GLCCI1: variants seen among roughly 807,000 people sequenced by gnomAD.
GLCCI1 encodes the protein glucocorticoid induced 1, also known as glucocorticoid-induced transcript 1 protein.
Under a neutral mutation model 52.2 loss-of-function variants are expected in GLCCI1, and 24 were observed. That is an observed-to-expected ratio of 0.46 (90% CI 0.33 to 0.65). GLCCI1 has a LOEUF of 0.65. GLCCI1 is among the 30% of genes least tolerant of loss of function. GLCCI1 has a pLI of 0.02. For missense variants in GLCCI1, 704 were observed against 701.5 expected (o/e 1.00, Z -0.04); for synonymous variants, 310 against 276.5 (o/e 1.12, Z -1.20).
intron 2 of GLCCI1, among the ~76,000 whole-genome samples, chr7:8,008,134 A>G (rs1213334648): frequency 6.6e-6 from 1 of 151,988 alleles, no homozygotes; most frequent in Admixed American, 6.6e-5. Context: ...TATACCATAT[A>G]TTTTACTGTA....
At chr7:8,024,309 C>T (rs1159839244) in intron 3 of GLCCI1, among the ~76,000 whole-genome samples, 6 of 152,188 alleles carry the variant, frequency 3.9e-5, no homozygotes, top group Non-Finnish European at 1.5e-5. Context: ...CTACTCAGCT[C>T]CTTCTGCCTA....
chr7:8,022,639 G>T (rs1781519833), intron 3 of GLCCI1, 70 bp downstream of exon 3: 1 of 859,964 alleles, frequency 1.2e-6, no homozygotes, highest in Non-Finnish European at 1.7e-6. Flanking sequence ...TTTCCTGAAT[G>T]TAATGACACT....
intron 3 of GLCCI1, among the ~76,000 whole-genome samples, chr7:8,052,588 G>A (rs1325173365): frequency 6.6e-6 from 1 of 152,194 alleles, no homozygotes; most frequent in African/African-American, 2.4e-5. Flanking sequence ...TGGTCTTTCT[G>A]TAGCAAATAT....
chr7:8,072,404 C>CTTCCTTCATTAAGGATATAT, intron 6 of GLCCI1, among the ~76,000 whole-genome samples: 1 of 152,132 alleles, frequency 6.6e-6, no homozygotes, highest in Non-Finnish European at 1.5e-5. Context: ...TGTGGACCCC[C>CTTCCTTCATTAAGGATATAT]TTCCTTCATT....
chr7:8,047,613 A>G (rs534328836), intron 3 of GLCCI1, among the ~76,000 whole-genome samples: 1 of 152,348 alleles, frequency 6.6e-6, no homozygotes, highest in East Asian at 1.9e-4. Flanking sequence ...CAAATGAGTA[A>G]GATTGTATGC....
intron 3 of GLCCI1, among the ~76,000 whole-genome samples, chr7:8,023,710 T>G (rs1200260899): frequency 6.8e-6 from 1 of 147,390 alleles, no homozygotes; most frequent in East Asian, 2.1e-4. Context: ...GCGATTCTCC[T>G]GCCTCAGCCA....
intron 5 of GLCCI1, among the ~76,000 whole-genome samples, chr7:8,061,266 ATT>A (rs1231219844): frequency 6.6e-6 from 1 of 151,486 alleles, no homozygotes; most frequent in African/African-American, 2.4e-5. Context: ...CACCCGGCTA[ATT>A]TTTTTGTATT....
At chr7:8,021,962 ATG>A (rs1269963366) in intron 2 of GLCCI1, among the ~76,000 whole-genome samples, 2 of 152,076 alleles carry the variant, frequency 1.3e-5, no homozygotes, top group African/African-American at 4.8e-5. Flanking sequence ...TAATAACTTT[ATG>A]TGTTTTATAT....
At chr7:8,017,707 T>C (rs1781407271) in intron 2 of GLCCI1, among the ~76,000 whole-genome samples, 1 of 152,182 alleles carries the variant, frequency 6.6e-6, no homozygotes, top group Non-Finnish European at 1.5e-5. Context: ...ACCTTCCGAC[T>C]TTACATAAAA....
In GLCCI1 at chr7:8,051,565, T is replaced by C. The variant is rs1440150769; in HGVS notation, c.697-3868T>C. ...TAAGCACTTCCCCCAGAAAATCTTA[T>C]GTGGTGAAGGCTACTATGTTAAAAT... is the stretch of plus-strand genomic sequence containing the variant. On this transcript the variant is annotated intron_variant, in intron 3 of 7. Transcript: ENST00000223145. Among the ~76,000 whole-genome samples the C allele has an allele frequency of 2.6e-5, 4 of 152,192 alleles. No homozygotes were observed. In the South Asian group the frequency reaches 6.2e-4, roughly 24 times the overall value.
At chr7:8,008,415 A>G (rs184134385) in intron 2 of GLCCI1, among the ~76,000 whole-genome samples, 442 of 151,626 alleles carry the variant, frequency 2.9e-3, no homozygotes, top group African/African-American at 9.9e-3. Flanking sequence ...CCTCCCAAGT[A>G]GCTGGGAATT....
intron 3 of GLCCI1, among the ~76,000 whole-genome samples, chr7:8,042,096 T>C (rs1172599361): frequency 2.0e-5 from 3 of 152,198 alleles, no homozygotes; most frequent in Non-Finnish European, 4.4e-5. Flanking sequence ...AAGATTCTTT[T>C]CAAAATATTA....
intron 3 of GLCCI1, 124 bp downstream of exon 3, chr7:8,022,693 C>T (rs181025141): frequency 4.9e-6 from 2 of 409,064 alleles, no homozygotes; most frequent in East Asian, 8.6e-5. Flanking sequence ...AAGGTTAGGA[C>T]AAATTCTAGG....
chr7:7,971,929 T>G (rs1181942776), intron 1 of GLCCI1, among the ~76,000 whole-genome samples: 1 of 152,220 alleles, frequency 6.6e-6, no homozygotes, highest in Non-Finnish European at 1.5e-5. Flanking sequence ...CAGGTGGTTT[T>G]GTCAGTTTCT....
rs748770607 is a variant in GLCCI1, at chr7:8,070,898, G to A, written c.967-23G>A. 3.8e-6 allele frequency: 6 copies of A among 1,599,886 alleles called. No individual in the cohort carries two copies. The East Asian group carries it at 1.3e-4, about 36-fold the overall frequency. On this transcript the variant is annotated intron_variant, in intron 5 of 7. Coordinates refer to ENST00000223145, the MANE Select transcript of GLCCI1 (RefSeq NM_138426.4). ...TGAATATATGCACCAGCATTTGGAT[G>A]TTTAATGGTATTCCTCTTACAGCCG...
At chr7:8,029,382 G>T (rs1781697119) in intron 3 of GLCCI1, among the ~76,000 whole-genome samples, 1 of 152,090 alleles carries the variant, frequency 6.6e-6, no homozygotes, top group African/African-American at 2.4e-5. Context: ...AAAAACATTT[G>T]ATAAAGTTCA....
At chr7:8,078,944 A>G (rs759107553) in intron 6 of GLCCI1, among the ~76,000 whole-genome samples, 5 of 152,212 alleles carry the variant, frequency 3.3e-5, no homozygotes, top group Non-Finnish European at 7.3e-5. Context: ...TTTAGCAAGA[A>G]TTTTTTTAAA....
intron 6 of GLCCI1, 131 bp from the exon 7 acceptor site, chr7:8,084,766 C>A: frequency 1.2e-6 from 1 of 824,008 alleles, no homozygotes; most frequent in Non-Finnish European, 1.9e-6. Context: ...TAAGAAATAG[C>A]TTTGCAATAA....
At chr7:8,016,176 A>G (rs1251726165) in intron 2 of GLCCI1, among the ~76,000 whole-genome samples, 1 of 152,254 alleles carries the variant, frequency 6.6e-6, no homozygotes, top group African/African-American at 2.4e-5. Context: ...TTATGCCTTA[A>G]CAGTTAAGAT....
Sources: gnomAD v4.1 joint callset for allele counts (sites outside exome capture counted in the v4.1 genomes callset) on GRCh38, gnomAD v4.1.1 for gene constraint, MANE v1.5 for transcripts, NCBI Gene and HGNC (gene_info 2026-07-23, HGNC 2026-07-21) for gene names.